PALM2AKAP2: variants seen among roughly 807,000 people sequenced by gnomAD.
PALM2AKAP2 encodes PALM2 and AKAP2 fusion.
PALM2AKAP2 carries 37 observed loss-of-function variants against 71.5 expected under a neutral mutation model. The observed-to-expected ratio is 0.52, with a 90% CI of 0.40 to 0.68. The LOEUF (loss-of-function observed/expected upper bound fraction) is 0.68. PALM2AKAP2 is among the 30% of genes least tolerant of loss of function. The probability of loss-of-function intolerance (pLI) is 0.00; values close to 1 mark genes in which losing one functional copy is unlikely to be tolerated. For synonymous variants in PALM2AKAP2, 468 were observed against 478.8 expected (o/e 0.98, Z 0.29); for missense variants, 1,224 against 1,191.8 (o/e 1.03, Z -0.40).
chr9:109,882,706 G>A (rs906030305), intron 3 of PALM2AKAP2, among the ~76,000 whole-genome samples: 2 of 151,890 alleles, frequency 1.3e-5, no homozygotes, highest in Non-Finnish European at 2.9e-5. Context: ...GCAGTGGTGC[G>A]ATCATAGCTC....
intron 6 of PALM2AKAP2, among the ~76,000 whole-genome samples, chr9:110,003,799 CTT>C (rs1832725706): frequency 6.6e-6 from 1 of 152,084 alleles, no homozygotes. Context: ...TTCTTTGTCT[CTT>C]TTGATCTTTG....
intron 2 of PALM2AKAP2, among the ~76,000 whole-genome samples, chr9:110,149,074 C>T (rs551547680): frequency 1.3e-5 from 2 of 152,292 alleles, no homozygotes; most frequent in African/African-American, 4.8e-5. Context: ...GAAATCCATC[C>T]GGCCTGGAAA....
At chr9:109,838,169 C>A (rs1828536970) in intron 1 of PALM2AKAP2, among the ~76,000 whole-genome samples, 1 of 152,318 alleles carries the variant, frequency 6.6e-6, no homozygotes, top group Non-Finnish European at 1.5e-5. Context: ...GAAATTATAA[C>A]AAACTGTCTC....
chr9:110,009,030 G>A (rs1832831876), intron 6 of PALM2AKAP2, among the ~76,000 whole-genome samples: 1 of 152,124 alleles, frequency 6.6e-6, no homozygotes, highest in Non-Finnish European at 1.5e-5. Context: ...TGCATGAGCG[G>A]CATTAATGGC....
chr9:109,710,650 C>T (rs993242207), intron 1 of PALM2AKAP2, among the ~76,000 whole-genome samples: 3 of 152,184 alleles, frequency 2.0e-5, no homozygotes, highest in Non-Finnish European at 4.4e-5. Flanking sequence ...GATTGGATGA[C>T]AGAGTACAGT....
intron 1 of PALM2AKAP2, among the ~76,000 whole-genome samples, chr9:109,828,085 G>T (rs1415754656): frequency 6.6e-6 from 1 of 152,112 alleles, no homozygotes; most frequent in African/African-American, 2.4e-5. Context: ...ATCTTCAGAG[G>T]TCAGTAGTGT....
At chr9:109,943,310 C>T (rs200913644) in intron 6 of PALM2AKAP2, 38 of 1,614,188 alleles carry the variant, frequency 2.4e-5, no homozygotes, top group African/African-American at 1.2e-4. Flanking sequence ...TCCGGGAGGC[C>T]GGTCTCAGAC....
chr9:109,999,816 G>A (rs1030517813), intron 6 of PALM2AKAP2, among the ~76,000 whole-genome samples: 1 of 152,210 alleles, frequency 6.6e-6, no homozygotes, highest in Non-Finnish European at 1.5e-5. Context: ...GGGTGGAGGT[G>A]GAGATGCCAC....
intron 1 of PALM2AKAP2, among the ~76,000 whole-genome samples, chr9:109,668,804 C>A (rs1827530536): frequency 6.6e-6 from 1 of 152,164 alleles, no homozygotes; most frequent in African/African-American, 2.4e-5. Context: ...CCATTGGTGC[C>A]TCCACCTTGG....
intron 1 of PALM2AKAP2, among the ~76,000 whole-genome samples, chr9:109,855,542 C>T (rs183254241): frequency 2.0e-5 from 3 of 152,140 alleles, no homozygotes; most frequent in African/African-American, 4.8e-5. Flanking sequence ...TAATGAAGTT[C>T]GTCAGTTTTG....
At chr9:109,992,221 C>T (rs1182371797) in intron 6 of PALM2AKAP2, among the ~76,000 whole-genome samples, 1 of 152,148 alleles carries the variant, frequency 6.6e-6, no homozygotes, top group East Asian at 1.9e-4. Context: ...GCATAACTGT[C>T]ATCTCTGCCT....
intron 1 of PALM2AKAP2, among the ~76,000 whole-genome samples, chr9:109,644,215 T>C (rs1369414079): frequency 6.6e-6 from 1 of 152,126 alleles, no homozygotes; most frequent in Non-Finnish European, 1.5e-5. Flanking sequence ...CTTTCTTTTT[T>C]CCCTTTTAGA....
Position 109,867,500 on chromosome 9 carries a change from AAG to A in PALM2AKAP2, c.58_59del (p.Arg20AlafsTer3). On this transcript the variant is annotated frameshift_variant, in exon 2 of 10. Coordinates refer to the PALM2AKAP2 transcript ENST00000302798. LOFTEE classifies it high-confidence loss of function. Reference sequence around the variant, plus strand: ...TCTCTTTATTTTCAAGGAAAAAAGAAAGAGGCAGACTGAAATAGAAGGCAAGC... The same window carrying A: ...TCTCTTTATTTTCAAGGAAAAAAGAAAGGCAGACTGAAATAGAAGGCAAGC... 1 of 1,612,336 alleles carries A rather than the reference AAG, an allele frequency of 6.2e-7. No homozygotes were observed.
chr9:110,103,181 A>G (rs1213925821), intron 1 of PALM2AKAP2, among the ~76,000 whole-genome samples: 1 of 152,106 alleles, frequency 6.6e-6, no homozygotes, highest in Non-Finnish European at 1.5e-5. Context: ...ATGCAATTTT[A>G]CGTTTGTTCG....
upstream of PALM2AKAP2, chr9:110,048,555 T>TGGGGAGGGGA (rs756175260): frequency 0.028 from 18,760 of 659,308 alleles, 333 homozygotes; most frequent in Admixed American, 0.043. Flanking sequence ...TGTGGGTAGA[T>TGGGGAGGGGA]GGGGAGGGGA....
chr9:109,746,542 A>G (rs943658210), intron 1 of PALM2AKAP2, among the ~76,000 whole-genome samples: 6 of 152,178 alleles, frequency 3.9e-5, no homozygotes, highest in Admixed American at 2.6e-4. Context: ...AAATAAATAT[A>G]TTTATTATTA....
At chr9:110,127,660 G>GC (rs1447176556) in intron 1 of PALM2AKAP2, 3 of 152,256 alleles carry the variant, frequency 2.0e-5, no homozygotes, top group Admixed American at 6.5e-5. Context: ...GGGTGGAACG[G>GC]CCCACTCGGA....
At chr9:110,170,596 T>G (rs1349973660) in exon 4 of PALM2AKAP2, 1 of 152,252 alleles carries the variant, frequency 6.6e-6, no homozygotes, top group Non-Finnish European at 1.5e-5. Context: ...CATCTTTATA[T>G]GGTTGAGTCT....
chr9:109,982,054 C>T (rs1832281005), intron 6 of PALM2AKAP2, among the ~76,000 whole-genome samples: 2 of 152,138 alleles, frequency 1.3e-5, no homozygotes, highest in South Asian at 4.1e-4. Context: ...ACCTAAATGT[C>T]CATCAACAGA....
Sources: gnomAD v4.1 joint callset for allele counts (sites outside exome capture counted in the v4.1 genomes callset) on GRCh38, gnomAD v4.1.1 for gene constraint, MANE v1.5 for transcripts, NCBI Gene and HGNC (gene_info 2026-07-23, HGNC 2026-07-21) for gene names.